TIAM2: variants seen among roughly 807,000 people sequenced by gnomAD.
TIAM2 encodes the protein TIAM Rac1 associated GEF 2.
TIAM2 carries 80 observed loss-of-function variants against 152.9 expected under a neutral mutation model. The ratio of observed to expected loss-of-function variants is 0.52; its 90% confidence interval spans 0.44 to 0.63. The LOEUF (loss-of-function observed/expected upper bound fraction) is 0.63, where lower values mean the gene tolerates loss of function less well. TIAM2 is among the 30% of genes least tolerant of loss of function. The probability of loss-of-function intolerance (pLI) is 0.00; values close to 1 mark genes in which losing one functional copy is unlikely to be tolerated. For missense variants in TIAM2, 1,965 were observed against 2,120.1 expected (o/e 0.93, Z 1.44); for synonymous variants, 804 against 838.0 (o/e 0.96, Z 0.70).
chr6:155,185,123 C>CTT (rs11404301), intron 14 of TIAM2, among the ~76,000 whole-genome samples: 5,355 of 92,222 alleles, frequency 0.058, 253 homozygotes, highest in African/African-American at 0.084. Context: ...GCAAATTTAC[C>CTT]TTTTTTTTTT....
At chr6:155,085,451 G>T (rs1449005364) in intron 1 of TIAM2, among the ~76,000 whole-genome samples, 1 of 151,938 alleles carries the variant, frequency 6.6e-6, no homozygotes. Flanking sequence ...TTGCACACTG[G>T]TTCACCTGAC....
chr6:155,010,404 G>A (rs561170479), intron 1 of TIAM2, among the ~76,000 whole-genome samples: 2 of 152,318 alleles, frequency 1.3e-5, no homozygotes, highest in African/African-American at 4.8e-5. Flanking sequence ...TGATCTTTGT[G>A]TGCAGCTGGT....
Position 155,069,385 on chromosome 6 carries a change from C to T in TIAM2, c.-208-20904C>T, listed in dbSNP as rs543340928. Among the ~76,000 whole-genome samples the T allele has an allele frequency of 7.2e-5, 11 of 152,304 alleles. No homozygotes were observed. The South Asian group carries it at 1.2e-3, about 17-fold the overall frequency. On this transcript the variant is annotated intron_variant, in intron 1 of 26. Coordinates refer to ENST00000682666, the MANE Select transcript of TIAM2 (RefSeq NM_012454.4). ...CTGAGATTACAGGGGTAAGCAACCACGCCCAGCCTGTTAGTAAACTTTATA... is the reference window on the plus strand; with the variant it reads ...CTGAGATTACAGGGGTAAGCAACCATGCCCAGCCTGTTAGTAAACTTTATA...
chr6:155,180,109 C>T (rs1276099563), intron 12 of TIAM2, among the ~76,000 whole-genome samples: 1 of 152,018 alleles, frequency 6.6e-6, no homozygotes, highest in African/African-American at 2.4e-5. Flanking sequence ...GAGAAACCCC[C>T]TCTCTACTAA....
At chr6:155,031,589 T>C (rs1288774297) in intron 1 of TIAM2, among the ~76,000 whole-genome samples, 1 of 152,064 alleles carries the variant, frequency 6.6e-6, no homozygotes, top group African/African-American at 2.4e-5. Context: ...CTGGGTGTGG[T>C]GGCACGCACC....
intron 15 of TIAM2, among the ~76,000 whole-genome samples, chr6:155,235,977 C>T (rs1037971209): frequency 6.6e-6 from 1 of 152,062 alleles, no homozygotes. Flanking sequence ...TTATTTTATA[C>T]AGTATATTCA....
intron 15 of TIAM2, among the ~76,000 whole-genome samples, chr6:155,232,042 C>G (rs1782497648): frequency 6.6e-6 from 1 of 152,174 alleles, no homozygotes; most frequent in South Asian, 2.1e-4. Context: ...GATCGTGCCA[C>G]TGCACTCCCG....
intron 1 of TIAM2, among the ~76,000 whole-genome samples, chr6:155,071,481 C>G (rs1303932153): frequency 6.6e-6 from 1 of 152,218 alleles, no homozygotes; most frequent in Non-Finnish European, 1.5e-5. Context: ...TCAGGCAGAG[C>G]TGAGCAAAGA....
At chr6:155,087,518 G>A (rs1778198520) in intron 1 of TIAM2, among the ~76,000 whole-genome samples, 1 of 152,120 alleles carries the variant, frequency 6.6e-6, no homozygotes, top group Non-Finnish European at 1.5e-5. Context: ...GGAGGCTGAC[G>A]CAGGTGGATC....
chr6:155,187,180 T>C (rs1781059524), intron 14 of TIAM2, among the ~76,000 whole-genome samples: 1 of 151,872 alleles, frequency 6.6e-6, no homozygotes, highest in African/African-American at 2.4e-5. Context: ...CTACACAGAG[T>C]TCAGGGCTTT....
intron 5 of TIAM2, 52 bp downstream of exon 5, chr6:155,137,664 T>A: frequency 6.6e-7 from 1 of 1,504,970 alleles, no homozygotes; most frequent in Non-Finnish European, 8.8e-7. Context: ...CCGCCAGCCG[T>A]GCTCTTTGCC....
chr6:155,179,273 C>A, intron 11 of TIAM2, 105 bp from the exon 12 acceptor site: 1 of 1,428,404 alleles, frequency 7.0e-7, no homozygotes, highest in Non-Finnish European at 9.8e-7. Context: ...TCTATATAAA[C>A]GGTATCTTAA....
intron 14 of TIAM2, among the ~76,000 whole-genome samples, chr6:155,205,716 A>G (rs1449432910): frequency 1.3e-5 from 2 of 152,120 alleles, no homozygotes; most frequent in East Asian, 3.8e-4. Flanking sequence ...GCTGGCAGGG[A>G]CACCACCACG....
chr6:155,099,782 A>G (rs535241751), intron 2 of TIAM2, among the ~76,000 whole-genome samples: 2 of 152,358 alleles, frequency 1.3e-5, no homozygotes, highest in South Asian at 4.1e-4. Flanking sequence ...AAGTTCTGAG[A>G]AAAGTGTAAG....
chr6:155,210,494 T>G (rs1006043890), intron 14 of TIAM2, among the ~76,000 whole-genome samples: 15 of 148,780 alleles, frequency 1.0e-4, no homozygotes, highest in African/African-American at 1.5e-4. Context: ...GTGTGTGTGT[T>G]TTTTTTTTTC....
intron 1 of TIAM2, among the ~76,000 whole-genome samples, chr6:155,083,760 T>C (rs1457891491): frequency 3.9e-5 from 6 of 152,210 alleles, no homozygotes. Context: ...AGCTTTTAGA[T>C]ACCAATGCTA....
At chr6:155,163,022 A>G (rs904038312) in intron 7 of TIAM2, among the ~76,000 whole-genome samples, 9 of 152,218 alleles carry the variant, frequency 5.9e-5, no homozygotes, top group Admixed American at 1.3e-4. Flanking sequence ...AATGCCCAGA[A>G]TTTGTAATAC....
chr6:155,017,126 C>T (rs1457981182), intron 1 of TIAM2, among the ~76,000 whole-genome samples: 4 of 152,112 alleles, frequency 2.6e-5, no homozygotes, highest in Non-Finnish European at 5.9e-5. Flanking sequence ...CCTCCTTGCC[C>T]ACCGCATTCG....
At chr6:155,204,504 G>A (rs756727790) in intron 14 of TIAM2, among the ~76,000 whole-genome samples, 38 of 151,910 alleles carry the variant, frequency 2.5e-4, no homozygotes, top group South Asian at 4.2e-4. Context: ...ATTACTTTCC[G>A]TTTATTTTTC....
Sources: gnomAD v4.1 joint callset for allele counts (sites outside exome capture counted in the v4.1 genomes callset) on GRCh38, gnomAD v4.1.1 for gene constraint, MANE v1.5 for transcripts, NCBI Gene and HGNC (gene_info 2026-07-23, HGNC 2026-07-21) for gene names.